Variants in SMAD4 observed in about 807,000 individuals in gnomAD.
SMAD4 encodes the protein MAD homolog 4.
SMAD4 carries 7 observed loss-of-function variants against 63.2 expected under a neutral mutation model. That is an observed-to-expected ratio of 0.11 (90% CI 0.06 to 0.21). The LOEUF (loss-of-function observed/expected upper bound fraction) is 0.21, where lower values mean the gene tolerates loss of function less well. Among genes scored for constraint, SMAD4 ranks in the 10% least tolerant of loss-of-function variants. The probability of loss-of-function intolerance (pLI) is 1.00; values close to 1 mark genes in which losing one functional copy is unlikely to be tolerated. For missense variants in SMAD4, 312 were observed against 693.8 expected, an observed-to-expected ratio of 0.45 and a Z score of 6.18; for synonymous variants, 215 against 235.4, an observed-to-expected ratio of 0.91 and a Z score of 0.79.
intron 1 of SMAD4, among the ~76,000 whole-genome samples, chr18:51,038,517 C>G (rs1026008166): frequency 2.4e-4 from 36 of 152,200 alleles, no homozygotes; most frequent in African/African-American, 8.7e-4. Flanking sequence ...CCATTGTTTT[C>G]TGAGAAGGCT....
Position 51,080,303 on chromosome 18 carries a change from C to G in SMAD4, c.*1836C>G, listed in dbSNP as rs1910579288. 1 of 231,980 alleles carries G rather than the reference C, an allele frequency of 4.3e-6. No individual in the cohort carries two copies. Among genetic ancestry groups the G allele is most frequent in the African/African-American group, 2.2e-5 (1 of 45,286 alleles). 14.4% of individuals were successfully genotyped at this position (231,980 alleles called of 1,614,324 possible). ...CTTTTGTCTTTAAATAACTTATCTA[C>G]CACCTCATTTGTACTCTTGATTACT... On this transcript the variant is annotated 3_prime_UTR_variant, in exon 12 of 12. Transcript: ENST00000342988.
chr18:51,033,873 T>C, intron 1 of SMAD4, among the ~76,000 whole-genome samples: 1 of 152,232 alleles, frequency 6.6e-6, no homozygotes, highest in East Asian at 1.9e-4. Context: ...GGGTAGTGCT[T>C]ACATATGTAA....
At chr18:51,054,718 A>T (rs1278750475) in intron 4 of SMAD4, 63 bp from the exon 5 acceptor site, 1 of 1,137,628 alleles carries the variant, frequency 8.8e-7, no homozygotes, top group Non-Finnish European at 1.3e-6. Context: ...CTTGCTAATA[A>T]GATTTTTTTT....
At chr18:51,066,660 ATTAG>A (rs1447891891) in intron 9 of SMAD4, among the ~76,000 whole-genome samples, 2 of 152,174 alleles carry the variant, frequency 1.3e-5, no homozygotes, top group Non-Finnish European at 2.9e-5. Flanking sequence ...CGGATTTCTA[ATTAG>A]TTTTAATTTA....
rs139595540 is a variant in SMAD4 at position 51,083,329 on chromosome 18, A to G, written c.*4862A>G. The G allele has an allele frequency of 4.6e-4, 104 of 228,042 alleles. No homozygotes were observed. Among genetic ancestry groups the G allele is most frequent in the Middle Eastern group, 1.3e-3 (1 of 754 alleles). The allele number at this position is 228,042 out of a possible 1,614,324, so 14.1% of individuals were successfully genotyped here. On this transcript the variant is annotated 3_prime_UTR_variant, in exon 12 of 12. Transcript: ENST00000342988. ...ACTCCTGTACAGATATTTTTGACCT[A>G]TAGGTGCCTTTATGAGAATTGAGGG...
At chr18:51,032,099 G>GAGT (rs537860285) in intron 1 of SMAD4, among the ~76,000 whole-genome samples, 111 of 152,272 alleles carry the variant, frequency 7.3e-4, no homozygotes, top group South Asian at 5.8e-3. Context: ...TTGTAATTCG[G>GAGT]AGTAGCTTTA....
In SMAD4 at chr18:51,067,004, T is replaced by C; in HGVS notation, c.1140-15T>C. 6.3e-7 allele frequency: 1 copy of C among 1,598,308 alleles called. No homozygotes were observed. The highest frequency in any genetic ancestry group is 8.6e-7 in the Non-Finnish European group (1 of 1,166,528). Reference sequence around the variant, plus strand: ...ACTTATCAAGATAAAATGTAATTTCTTTTTTCTTCCTAAGGTTGCACATAG... The same window carrying C: ...ACTTATCAAGATAAAATGTAATTTCCTTTTTCTTCCTAAGGTTGCACATAG... On this transcript the variant is annotated splice_polypyrimidine_tract_variant and intron_variant, in intron 9 of 11. Transcript: ENST00000342988.
intron 11 of SMAD4, among the ~76,000 whole-genome samples, chr18:51,077,797 G>C (rs1457845482): frequency 6.6e-6 from 1 of 152,144 alleles, no homozygotes; most frequent in East Asian, 1.9e-4. Flanking sequence ...GAAATTGAGA[G>C]AGAGACTTCA....
Position 51,078,521 on chromosome 18 carries a change from C to A in SMAD4, c.*54C>A. On this transcript the variant is annotated 3_prime_UTR_variant, in exon 12 of 12. Coordinates refer to ENST00000342988, the MANE Select transcript of SMAD4 (RefSeq NM_005359.6). Reference sequence around the variant, plus strand: ...TATCAGGATGGTGGACTACAAAATACAATCCTGTTTATAATCTGAAGATAT... The same window carrying A: ...TATCAGGATGGTGGACTACAAAATAAAATCCTGTTTATAATCTGAAGATAT... The A allele has an allele frequency of 1.7e-6, 2 of 1,178,528 alleles. No individual in the cohort carries two copies. The highest frequency in any genetic ancestry group is 1.5e-5 in the African/African-American group (1 of 65,866). 73.0% of individuals were successfully genotyped at this position (1,178,528 alleles called of 1,614,324 possible). A position where few individuals can be genotyped will look rare whatever the true frequency, so the allele number is the denominator to read the frequency against.
intron 10 of SMAD4, among the ~76,000 whole-genome samples, chr18:51,068,372 C>A (rs2144455747): frequency 6.6e-6 from 1 of 152,226 alleles, no homozygotes; most frequent in South Asian, 2.1e-4. Context: ...CAATTCCAAA[C>A]AGCATAGTCA....
Position 51,076,786 on chromosome 18 carries a change from C to T in SMAD4, c.1447+10C>T, listed in dbSNP as rs2144474920. The T allele has an allele frequency of 6.3e-7, 1 of 1,590,212 alleles. No homozygotes were observed. Among genetic ancestry groups the T allele is most frequent in the Non-Finnish European group, 8.6e-7 (1 of 1,163,494 alleles). On this transcript the variant is annotated intron_variant, in intron 11 of 11. Coordinates refer to ENST00000342988, the MANE Select transcript of SMAD4 (RefSeq NM_005359.6). ...ATAGCTCCAGCTATCAGTAAGTATG[C>T]TTTTCATTCTTTTTTAAAGGTATAA...
At chr18:51,071,343 T>TA (rs1185748095) in intron 10 of SMAD4, among the ~76,000 whole-genome samples, 3 of 152,066 alleles carry the variant, frequency 2.0e-5, no homozygotes, top group Non-Finnish European at 2.9e-5. Context: ...TGGAGAGCCA[T>TA]AATTTCATTT....
At chr18:51,031,761 C>T (rs1266036052) in intron 1 of SMAD4, among the ~76,000 whole-genome samples, 2 of 150,734 alleles carry the variant, frequency 1.3e-5, no homozygotes, top group African/African-American at 2.4e-5. Context: ...TGCGTAATTT[C>T]GTAATTAGAT....
chr18:51,077,343 C>T, intron 11 of SMAD4: 2 of 975,198 alleles, frequency 2.1e-6, no homozygotes, highest in Non-Finnish European at 2.4e-6. Context: ...ATGATGGAAA[C>T]ACGTGGCACC....
intron 1 of SMAD4, among the ~76,000 whole-genome samples, chr18:51,038,250 G>GT (rs1909262981): frequency 2.2e-5 from 2 of 91,744 alleles, no homozygotes; most frequent in South Asian, 4.0e-4. Context: ...GAGCGAGACT[G>GT]TGGGGGGGGG....
intron 10 of SMAD4, 106 bp from the exon 11 acceptor site, chr18:51,076,532 T>C: frequency 2.2e-6 from 2 of 909,032 alleles, no homozygotes; most frequent in Admixed American, 2.2e-5. Flanking sequence ...ATTCTTTTCA[T>C]GTGAGAGGTA....
Position 51,073,361 on chromosome 18 carries a change from TTATATA to T in SMAD4, c.1309-3254_1309-3249del, listed in dbSNP as rs35099364. On this transcript the variant is annotated intron_variant, in intron 10 of 11. Coordinates refer to ENST00000342988, the MANE Select transcript of SMAD4 (RefSeq NM_005359.6). ...TTTTATTCCCTACTCCCAGATAACA[TTATATA>T]TATATATATATATATATATATACAC... Among the ~76,000 whole-genome samples, 90 of 22,216 alleles carry T rather than the reference TTATATA, an allele frequency of 4.1e-3. 6 individuals carry two copies. Among genetic ancestry groups the T allele is most frequent in the East Asian group, 0.016 (16 of 1,016 alleles). The allele number at this position is 22,216 out of a possible 152,430, so 14.6% of individuals were successfully genotyped here. A position where few individuals can be genotyped will look rare whatever the true frequency, so the allele number is the denominator to read the frequency against.
At chr18:51,067,321 A>G in intron 10 of SMAD4, 134 bp downstream of exon 10, 1 of 499,156 alleles carries the variant, frequency 2.0e-6, no homozygotes, top group Non-Finnish European at 3.5e-6. Context: ...AGTATAAAAA[A>G]CACATTTTCT....
At chr18:51,037,055 A>T (rs1380297352) in intron 1 of SMAD4, among the ~76,000 whole-genome samples, 1 of 152,148 alleles carries the variant, frequency 6.6e-6, no homozygotes, top group African/African-American at 2.4e-5. Flanking sequence ...AGCTACTCAC[A>T]TGCCTGTAAT....
Sources: allele counts gnomAD v4.1 joint callset (sites outside exome capture counted in the v4.1 genomes callset), GRCh38; gene constraint gnomAD v4.1.1; transcripts MANE v1.5; gene names NCBI Gene and HGNC (gene_info 2026-07-23, HGNC 2026-07-21).